Variants in ADCY2 observed in about 807,000 individuals in gnomAD.
ADCY2 encodes adenylate cyclase 2.
ADCY2 carries 31 observed loss-of-function variants against 125.2 expected under a neutral mutation model. The ratio of observed to expected loss-of-function variants is 0.25; its 90% CI spans 0.19 to 0.33. The LOEUF is 0.33. Ranked by LOEUF, ADCY2 falls within the 10% of genes least tolerant of loss-of-function variation. ADCY2 has a pLI of 1.00. For missense variants in ADCY2, 904 were observed against 1,418.2 expected (o/e 0.64, Z 5.82); for synonymous variants, 512 against 548.4 (o/e 0.93, Z 0.93).
chr5:7,537,154 C>A (rs1373120839), intron 3 of ADCY2, among the ~76,000 whole-genome samples: 2 of 152,088 alleles, frequency 1.3e-5, no homozygotes, highest in African/African-American at 4.8e-5. Context: ...CATTTTGGAC[C>A]AATTTAAAAT....
chr5:7,664,588 C>T (rs938058946), intron 4 of ADCY2, among the ~76,000 whole-genome samples: 1 of 152,204 alleles, frequency 6.6e-6, no homozygotes, highest in East Asian at 1.9e-4. Flanking sequence ...TATATCATGA[C>T]TTACTTTCCA....
intron 3 of ADCY2, among the ~76,000 whole-genome samples, chr5:7,596,844 G>A (rs1737023075): frequency 6.6e-6 from 1 of 152,160 alleles, no homozygotes; most frequent in Admixed American, 6.5e-5. Flanking sequence ...GGCCTATACT[G>A]AATCAGTAAA....
intron 3 of ADCY2, among the ~76,000 whole-genome samples, chr5:7,554,853 A>C (rs1735453041): frequency 6.6e-6 from 1 of 152,168 alleles, no homozygotes; most frequent in Non-Finnish European, 1.5e-5. Flanking sequence ...TTTGTTAGCT[A>C]TTCATAGAGG....
chr5:7,556,132 A>G (rs1034372286), intron 3 of ADCY2, among the ~76,000 whole-genome samples: 2 of 152,176 alleles, frequency 1.3e-5, no homozygotes, highest in African/African-American at 2.4e-5. Flanking sequence ...CACCGCCAAT[A>G]GCTATGGATT....
At chr5:7,757,421 TTC>T (rs1448394711) in intron 15 of ADCY2, 26 bp from the exon 16 acceptor site, 1 of 1,607,854 alleles carries the variant, frequency 6.2e-7, no homozygotes, top group Non-Finnish European at 8.5e-7. Context: ...CTAGCAATGC[TTC>T]TCTTTTTCTT....
At chr5:7,649,092 C>T (rs1233347973) in intron 4 of ADCY2, among the ~76,000 whole-genome samples, 1 of 152,152 alleles carries the variant, frequency 6.6e-6, no homozygotes, top group African/African-American at 2.4e-5. Context: ...AATATGAAAA[C>T]TTTTAAAATA....
chr5:7,664,010 GTACC>G (rs1426524911), intron 4 of ADCY2, among the ~76,000 whole-genome samples: 1 of 152,142 alleles, frequency 6.6e-6, no homozygotes, highest in Non-Finnish European at 1.5e-5. Context: ...AATGCCTAAA[GTACC>G]CTTTCCATTC....
chr5:7,813,101 A>G (rs1744996328), intron 22 of ADCY2, among the ~76,000 whole-genome samples: 1 of 152,210 alleles, frequency 6.6e-6, no homozygotes, highest in Admixed American at 6.5e-5. Context: ...TGATTATCAC[A>G]GTATGCAGTT....
chr5:7,548,399 C>T (rs1735218236), intron 3 of ADCY2, among the ~76,000 whole-genome samples: 1 of 151,822 alleles, frequency 6.6e-6, no homozygotes, highest in Non-Finnish European at 1.5e-5. Flanking sequence ...GTATATATAT[C>T]ATAATGTAAA....
chr5:7,564,919 C>G (rs1735841703), intron 3 of ADCY2, among the ~76,000 whole-genome samples: 1 of 152,200 alleles, frequency 6.6e-6, no homozygotes, highest in African/African-American at 2.4e-5. Flanking sequence ...TCGGAGACAA[C>G]AGATCGTGGT....
At chr5:7,597,333 G>A (rs1175283705) in intron 3 of ADCY2, among the ~76,000 whole-genome samples, 1 of 152,202 alleles carries the variant, frequency 6.6e-6, no homozygotes, top group East Asian at 1.9e-4. Flanking sequence ...GGCACCTCAG[G>A]CTGCGCCCAG....
chr5:7,481,667 C>A (rs972596032), intron 2 of ADCY2, among the ~76,000 whole-genome samples: 7 of 152,146 alleles, frequency 4.6e-5, no homozygotes, highest in Non-Finnish European at 8.8e-5. Flanking sequence ...TTATTAGATT[C>A]TCTCCAATAG....
intron 3 of ADCY2, among the ~76,000 whole-genome samples, chr5:7,609,548 T>C (rs1363873711): frequency 6.6e-6 from 1 of 152,214 alleles, no homozygotes; most frequent in Non-Finnish European, 1.5e-5. Context: ...TAATAAATAC[T>C]TATCAGTACA....
chr5:7,426,409 G>A (rs1008414172), intron 2 of ADCY2, among the ~76,000 whole-genome samples: 1 of 152,154 alleles, frequency 6.6e-6, no homozygotes, highest in Non-Finnish European at 1.5e-5. Context: ...GGTGTCTGGC[G>A]AGAATGGCTC....
chr5:7,777,238 T>G (rs976195690), intron 18 of ADCY2, among the ~76,000 whole-genome samples: 2 of 152,186 alleles, frequency 1.3e-5, no homozygotes, highest in African/African-American at 4.8e-5. Flanking sequence ...ACATGGCTTC[T>G]GTTGCCTGTT....
chr5:7,822,650 T>C (rs150883287), intron 24 of ADCY2, among the ~76,000 whole-genome samples: 2 of 152,316 alleles, frequency 1.3e-5, no homozygotes, highest in African/African-American at 4.8e-5. Context: ...CACCTGATTG[T>C]ACACAGTTCC....
rs141567959 is a variant in ADCY2 at position 7,518,341 on chromosome 5, A to T, written c.409-2397A>T. Among the ~76,000 whole-genome samples, 3 of 151,348 alleles carry T rather than the reference A, an allele frequency of 2.0e-5. No individual in the cohort carries two copies. In the East Asian group the frequency reaches 5.9e-4, roughly 30 times the overall value. On this transcript the variant is annotated intron_variant, in intron 2 of 24. Transcript: ENST00000338316. ...TGCCTGTGTAGATAGAGCATCGCTT[A>T]CTACAGGTCCCTCCAAAGGCATGCC...
intron 3 of ADCY2, among the ~76,000 whole-genome samples, chr5:7,621,262 A>G (rs774779796): frequency 6.6e-6 from 1 of 152,252 alleles, no homozygotes; most frequent in Non-Finnish European, 1.5e-5. Flanking sequence ...GCACAGATGC[A>G]TGAGCTGAAC....
At chr5:7,607,986 C>T (rs976046134) in intron 3 of ADCY2, among the ~76,000 whole-genome samples, 2 of 152,138 alleles carry the variant, frequency 1.3e-5, no homozygotes, top group Non-Finnish European at 2.9e-5. Flanking sequence ...GAAGGAGTGG[C>T]CTTCAGCCTT....
Sources: allele counts gnomAD v4.1 joint callset (sites outside exome capture counted in the v4.1 genomes callset), GRCh38; gene constraint gnomAD v4.1.1; transcripts MANE v1.5; gene names NCBI Gene and HGNC (gene_info 2026-07-23, HGNC 2026-07-21).